Variants in DSCAM observed in about 807,000 individuals in gnomAD.
The protein encoded by DSCAM is cell adhesion molecule DSCAM.
In DSCAM, 47 loss-of-function variants were observed where a neutral mutation model predicts 217.7. The observed-to-expected ratio is 0.22, with a 90% CI of 0.17 to 0.28. DSCAM has a LOEUF of 0.28. DSCAM is among the 10% of genes least tolerant of loss of function. The probability of loss-of-function intolerance (pLI) is 1.00; values close to 1 mark genes in which losing one functional copy is unlikely to be tolerated. For synonymous variants in DSCAM, 1,056 were observed against 1,015.3 expected (o/e 1.04, Z -0.76); for missense variants, 2,080 against 2,618.3 (o/e 0.79, Z 4.49).
chr21:40,280,176 G>A (rs1004066466), intron 10 of DSCAM, among the ~76,000 whole-genome samples: 1 of 128,252 alleles, frequency 7.8e-6, no homozygotes, highest in African/African-American at 3.1e-5. Context: ...AGCAGATTTT[G>A]GTGCCTTTTT....
intron 3 of DSCAM, among the ~76,000 whole-genome samples, chr21:40,634,717 C>A (rs1470714107): frequency 6.6e-6 from 1 of 152,184 alleles, no homozygotes; most frequent in Non-Finnish European, 1.5e-5. Flanking sequence ...TCATTTGAAG[C>A]CTGTGTATCT....
At chr21:40,335,806 G>A (rs1161280298) in intron 8 of DSCAM, among the ~76,000 whole-genome samples, 3 of 152,134 alleles carry the variant, frequency 2.0e-5, no homozygotes, top group Non-Finnish European at 4.4e-5. Context: ...GAAGAAAATC[G>A]TTTTCATGAC....
At chr21:40,522,998 G>A (rs2076371416) in intron 3 of DSCAM, among the ~76,000 whole-genome samples, 2 of 152,150 alleles carry the variant, frequency 1.3e-5, no homozygotes, top group African/African-American at 2.4e-5. Context: ...TCTTCACCAC[G>A]GCTCTGGTGA....
intron 11 of DSCAM, among the ~76,000 whole-genome samples, chr21:40,249,812 G>A (rs1828673219): frequency 1.3e-5 from 2 of 152,260 alleles, no homozygotes; most frequent in South Asian, 4.2e-4. Flanking sequence ...AGCCAGAAGA[G>A]AAGAGAACAA....
intron 3 of DSCAM, among the ~76,000 whole-genome samples, chr21:40,658,575 T>C (rs1239535494): frequency 1.3e-5 from 2 of 152,194 alleles, no homozygotes; most frequent in African/African-American, 4.8e-5. Flanking sequence ...AGCTTAATTA[T>C]AGCAAAATTG....
At chr21:40,181,459 T>A (rs1055926023) in intron 14 of DSCAM, among the ~76,000 whole-genome samples, 2 of 152,150 alleles carry the variant, frequency 1.3e-5, no homozygotes, top group African/African-American at 4.8e-5. Flanking sequence ...ACAGACTGCT[T>A]CATTTGATTA....
rs148081014 is a variant in DSCAM at position 40,204,531 on chromosome 21, T to C, written c.2357-15293A>G. On this transcript the variant is annotated intron_variant, in intron 11 of 32. Coordinates refer to ENST00000400454, the MANE Select transcript of DSCAM (RefSeq NM_001389.5). ...AAAGGAAAACCTTAAAGTTCTCAGA[T>C]GGTCTCTATAACCTTGGCCTATTTT... Among the ~76,000 whole-genome samples, 53 of 152,370 alleles carry C rather than the reference T, an allele frequency of 3.5e-4. 1 individual carries two copies. The East Asian group carries it at 9.8e-3, about 28-fold the overall frequency.
intron 3 of DSCAM, among the ~76,000 whole-genome samples, chr21:40,642,428 C>T (rs533748318): frequency 1.1e-4 from 17 of 152,170 alleles, no homozygotes; most frequent in South Asian, 2.1e-4. Context: ...GAAATTACAC[C>T]GGAAAGAGCC....
chr21:40,500,474 GAATGTC>G (rs1414207979), intron 3 of DSCAM, among the ~76,000 whole-genome samples: 2 of 152,108 alleles, frequency 1.3e-5, no homozygotes, highest in Non-Finnish European at 2.9e-5. Flanking sequence ...CCTCACTATT[GAATGTC>G]AACTTAACTA....
At chr21:40,360,056 C>T (rs1203817621) in intron 4 of DSCAM, among the ~76,000 whole-genome samples, 2 of 147,046 alleles carry the variant, frequency 1.4e-5, no homozygotes, top group South Asian at 2.2e-4. Context: ...GGGAATATTA[C>T]GTGATGCTGA....
chr21:40,190,813 A>G (rs756788695), intron 11 of DSCAM, among the ~76,000 whole-genome samples: 2 of 152,232 alleles, frequency 1.3e-5, no homozygotes, highest in Non-Finnish European at 2.9e-5. Flanking sequence ...TGAGAAAACT[A>G]ACACCATGAT....
At chr21:40,314,513 T>C (rs781371750) in intron 8 of DSCAM, among the ~76,000 whole-genome samples, 4 of 152,214 alleles carry the variant, frequency 2.6e-5, no homozygotes, top group African/African-American at 9.6e-5. Flanking sequence ...TCAGTTGGAA[T>C]GTGCTGGAGA....
intron 3 of DSCAM, among the ~76,000 whole-genome samples, chr21:40,654,486 C>A (rs1324935879): frequency 6.6e-6 from 1 of 152,188 alleles, no homozygotes; most frequent in African/African-American, 2.4e-5. Context: ...AACCTGGTGG[C>A]ACAAAATAAC....
chr21:40,172,005 A>G (rs572493098), intron 15 of DSCAM, among the ~76,000 whole-genome samples: 2 of 152,344 alleles, frequency 1.3e-5, no homozygotes, highest in South Asian at 2.1e-4. Context: ...ATATAGAAAA[A>G]GCAGAATTGG....
intron 2 of DSCAM, among the ~76,000 whole-genome samples, chr21:40,704,947 G>A (rs140998941): frequency 6.6e-6 from 1 of 152,234 alleles, no homozygotes; most frequent in African/African-American, 2.4e-5. Flanking sequence ...TTGCTAAACT[G>A]GCCTAACAGA....
At chr21:40,781,992 CAAA>C (rs57750960) in intron 1 of DSCAM, among the ~76,000 whole-genome samples, 5 of 106,380 alleles carry the variant, frequency 4.7e-5, no homozygotes, top group South Asian at 3.5e-4. Flanking sequence ...ACTAAAAATA[CAAA>C]AAAAAAAAAA....
chr21:40,686,881 G>A (rs2090485107), intron 3 of DSCAM, among the ~76,000 whole-genome samples: 1 of 152,162 alleles, frequency 6.6e-6, no homozygotes, highest in Admixed American at 6.5e-5. Context: ...ACCTAATTTA[G>A]TGAGCGATAG....
intron 3 of DSCAM, among the ~76,000 whole-genome samples, chr21:40,661,060 T>A (rs964275922): frequency 3.3e-5 from 5 of 152,186 alleles, no homozygotes; most frequent in Non-Finnish European, 7.3e-5. Flanking sequence ...ACCCTTGGCC[T>A]GGAGGCTTCC....
chr21:40,035,707 T>A (rs560159086), intron 32 of DSCAM, among the ~76,000 whole-genome samples: 161 of 151,084 alleles, frequency 1.1e-3, no homozygotes, highest in Non-Finnish European at 1.9e-3. Flanking sequence ...ATCAACAGAA[T>A]ACACATTTTT....
Sources: allele counts gnomAD v4.1 joint callset (sites outside exome capture counted in the v4.1 genomes callset), GRCh38; gene constraint gnomAD v4.1.1; transcripts MANE v1.5; gene names NCBI Gene and HGNC (gene_info 2026-07-23, HGNC 2026-07-21).